INTS9: variants seen among roughly 807,000 people sequenced by gnomAD.
INTS9 encodes the protein integrator complex subunit 9, also known as protein related to CPSF subunits of 74 kDa.
Under a neutral mutation model 79.7 loss-of-function variants are expected in INTS9, and 55 were observed. The ratio of observed to expected loss-of-function variants is 0.69; its 90% CI spans 0.56 to 0.86. The LOEUF is 0.86. Among genes scored for constraint, INTS9 ranks in the 40% least tolerant of loss-of-function variants. The probability of loss-of-function intolerance (pLI) is 0.00; values close to 1 mark genes in which losing one functional copy is unlikely to be tolerated. For missense variants in INTS9, 721 were observed against 831.5 expected, an observed-to-expected ratio of 0.87 and a Z score of 1.64; for synonymous variants, 319 against 325.2, an observed-to-expected ratio of 0.98 and a Z score of 0.20.
In INTS9 at chr8:28,840,813, GA is replaced by G. The variant is rs1390713916; in HGVS notation, c.262-3038del. Among the ~76,000 whole-genome samples the G allele has an allele frequency of 2.5e-5, 3 of 118,480 alleles. No homozygotes were observed. In the East Asian group the frequency reaches 9.0e-4, roughly 36 times the overall value. The allele number at this position is 118,480 out of a possible 152,430, so 77.7% of individuals were successfully genotyped here. A position where few individuals can be genotyped will look rare whatever the true frequency, so the allele number is the denominator to read the frequency against. On this transcript the variant is annotated intron_variant, in intron 4 of 16. Transcript: ENST00000521022. ...GTTGTGGGGTGGGGGGAGGGGGAGG[GA>G]TAGCATTAAGAGATATACCTAATGC...
chr8:28,823,837 T>C (rs1805994178), intron 6 of INTS9, among the ~76,000 whole-genome samples: 1 of 152,226 alleles, frequency 6.6e-6, no homozygotes, highest in African/African-American at 2.4e-5. Context: ...ATTGCATTTA[T>C]ACAGCCATAA....
At chr8:28,881,766 G>A (rs1339560996) in intron 1 of INTS9, among the ~76,000 whole-genome samples, 2 of 147,420 alleles carry the variant, frequency 1.4e-5, no homozygotes, top group Non-Finnish European at 1.5e-5. Context: ...GCCTCTGCCC[G>A]GCCGCCCCTA....
chr8:28,770,832 T>C (rs1268779786), intron 15 of INTS9, 150 bp downstream of exon 15: 1 of 662,928 alleles, frequency 1.5e-6, no homozygotes, highest in Non-Finnish European at 2.6e-6. Context: ...GCCTCATCTC[T>C]GGGCACAGCA....
intron 8 of INTS9, among the ~76,000 whole-genome samples, chr8:28,807,905 G>A (rs937813591): frequency 2.0e-5 from 3 of 152,202 alleles, no homozygotes; most frequent in Non-Finnish European, 4.4e-5. Flanking sequence ...GGTTAGAAGA[G>A]AGGTGAGAAA....
At chr8:28,787,967 C>G (rs1803711375) in intron 10 of INTS9, 78 bp from the exon 11 acceptor site, 2 of 903,444 alleles carry the variant, frequency 2.2e-6, no homozygotes, top group South Asian at 3.4e-5. Context: ...GGCAGCAGTG[C>G]AAATATTAAA....
rs1265840601 is a variant in INTS9, at chr8:28,847,468, C to CACCACTACCACCTCCACCTCCACCACA, written c.199-686_199-660dup. 7.0e-3 allele frequency among the ~76,000 whole-genome samples: 1,060 copies of CACCACTACCACCTCCACCTCCACCACA among 152,054 alleles called. 13 individuals are homozygous for CACCACTACCACCTCCACCTCCACCACA. The highest frequency in any genetic ancestry group is 0.025 in the African/African-American group (1,016 of 41,454). ...CCACCACTACCTCCACCACCACCACCACCACTACCACCTCCACCTCCACCA... is the reference window on the plus strand; with the variant it reads ...CCACCACTACCTCCACCACCACCACCACCACTACCACCTCCACCTCCACCACAACCACTACCACCTCCACCTCCACCA... On this transcript the variant is annotated intron_variant, in intron 3 of 16. Transcript: ENST00000521022.
At chr8:28,877,977 T>C (rs1026789648) in intron 1 of INTS9, among the ~76,000 whole-genome samples, 8 of 152,212 alleles carry the variant, frequency 5.3e-5, no homozygotes. Flanking sequence ...TATCTCATTG[T>C]TCAGAAAAAA....
chr8:28,801,634 C>T (rs1804533902), intron 8 of INTS9, among the ~76,000 whole-genome samples: 1 of 152,092 alleles, frequency 6.6e-6, no homozygotes, highest in Non-Finnish European at 1.5e-5. Context: ...ATTTTTGAGA[C>T]AGAATCTTGC....
intron 1 of INTS9, among the ~76,000 whole-genome samples, chr8:28,887,621 T>C (rs574247359): frequency 6.6e-6 from 1 of 152,360 alleles, no homozygotes; most frequent in East Asian, 1.9e-4. Context: ...TTAAAACTTT[T>C]AGGCCATGGG....
chr8:28,818,144 T>C (rs374474014), intron 6 of INTS9, among the ~76,000 whole-genome samples: 3 of 136,902 alleles, frequency 2.2e-5, no homozygotes, highest in African/African-American at 5.5e-5. Context: ...ACCCTTTATT[T>C]CCTTCTCCTG....
intron 1 of INTS9, among the ~76,000 whole-genome samples, chr8:28,865,585 T>C (rs749504552): frequency 7.9e-5 from 12 of 152,256 alleles, no homozygotes; most frequent in Admixed American, 2.6e-4. Flanking sequence ...GTGACACTTA[T>C]GTACAAGCAA....
At chr8:28,807,553 CAGG>C (rs1804879138) in intron 8 of INTS9, among the ~76,000 whole-genome samples, 1 of 152,070 alleles carries the variant, frequency 6.6e-6, no homozygotes, top group South Asian at 2.1e-4. Flanking sequence ...AGATTTATCC[CAGG>C]AATATTGGAT....
At chr8:28,817,595 T>C (rs1326391733) in intron 6 of INTS9, among the ~76,000 whole-genome samples, 1 of 152,238 alleles carries the variant, frequency 6.6e-6, no homozygotes, top group Non-Finnish European at 1.5e-5. Context: ...GCGTGATGCC[T>C]CCAGCTTTGT....
Position 28,813,535 on chromosome 8 carries a change from G to GTAT in INTS9, c.565_566insATA (p.Ser189delinsTyrThr). 6.2e-7 allele frequency: 1 copy of GTAT among 1,613,546 alleles called. No individual in the cohort carries two copies. Among genetic ancestry groups the GTAT allele is most frequent in the Non-Finnish European group, 8.5e-7 (1 of 1,179,496 alleles). On this transcript the variant is annotated protein_altering_variant, in exon 7 of 17. Coordinates refer to ENST00000521022, the MANE Select transcript of INTS9 (RefSeq NM_018250.4). ...CACCAGCTGGATTTTACTAAGGGCA[G>GTAT]AGTTCACCTCTTGCATTGTATAGCA...
chr8:28,889,635 T>C (rs1328299290), intron 1 of INTS9, among the ~76,000 whole-genome samples: 1 of 152,108 alleles, frequency 6.6e-6, no homozygotes, highest in Non-Finnish European at 1.5e-5. Flanking sequence ...GTCAACCTCT[T>C]GTCTGAACAA....
intron 16 of INTS9, among the ~76,000 whole-genome samples, chr8:28,769,229 C>T (rs1333672405): frequency 6.6e-6 from 1 of 152,196 alleles, no homozygotes; most frequent in East Asian, 1.9e-4. Flanking sequence ...TAGAAATCTC[C>T]TTCCTTGTAA....
intron 8 of INTS9, among the ~76,000 whole-genome samples, chr8:28,799,956 G>C (rs1426144078): frequency 6.6e-6 from 1 of 152,114 alleles, no homozygotes; most frequent in Non-Finnish European, 1.5e-5. Flanking sequence ...AACAGCCTGG[G>C]TCACTCACTG....
chr8:28,873,248 T>C (rs952776575), intron 1 of INTS9, among the ~76,000 whole-genome samples: 5 of 152,214 alleles, frequency 3.3e-5, no homozygotes, highest in African/African-American at 1.2e-4. Flanking sequence ...TAGGTTTTAC[T>C]AGGCTGAATT....
chr8:28,796,739 T>C (rs766931439), intron 8 of INTS9, 84 bp from the exon 9 acceptor site: 1 of 857,576 alleles, frequency 1.2e-6, no homozygotes, highest in Non-Finnish European at 2.0e-6. Flanking sequence ...AACACAGACA[T>C]TGCTCTTTCT....
Sources: allele counts gnomAD v4.1 joint callset (sites outside exome capture counted in the v4.1 genomes callset), GRCh38; gene constraint gnomAD v4.1.1; transcripts MANE v1.5; gene names NCBI Gene and HGNC (gene_info 2026-07-23, HGNC 2026-07-21).